Variants in APC observed in about 807,000 individuals in gnomAD.
APC encodes the protein adenomatous polyposis coli protein.
APC carries 72 observed loss-of-function variants against 247.0 expected under a neutral mutation model. The ratio of observed to expected loss-of-function variants is 0.29; its 90% CI spans 0.24 to 0.35. APC has a LOEUF of 0.35. Ranked by LOEUF, APC falls within the 10% of genes least tolerant of loss-of-function variation. APC has a pLI of 1.00. For synonymous variants in APC, 1,254 were observed against 1,162.5 expected, an observed-to-expected ratio of 1.08 and a Z score of -1.60; for missense variants, 3,400 against 3,360.7, an observed-to-expected ratio of 1.01 and a Z score of -0.29.
intron 1 of APC, among the ~76,000 whole-genome samples, chr5:112,720,387 C>T (rs1336728688): frequency 6.6e-6 from 1 of 152,120 alleles, no homozygotes; most frequent in African/African-American, 2.4e-5. Flanking sequence ...ATTCAAATAG[C>T]TTTTTGTTTT....
Position 112,707,865 on chromosome 5 carries a change from T to C in APC, c.148T>C (p.Trp50Arg), listed in dbSNP as rs1488176769. 9.5e-6 allele frequency: 13 copies of C among 1,369,196 alleles called. No homozygotes were observed. Among genetic ancestry groups the C allele is most frequent in the Non-Finnish European group, 1.3e-5 (13 of 1,038,190 alleles). 84.8% of individuals were successfully genotyped at this position (1,369,196 alleles called of 1,614,324 possible). ...GGGCGGCGCTCGTACTTCTGGCCAC[T>C]GGGCGAGCGTCTGGCAGGTGAGTGA... The change falls in exon 1 of 14, where the codon TGG becomes CGG. Residue 50 changes from tryptophan (W) to arginine (R), a missense_variant. Transcript: ENST00000507379.
intron 1 of APC, chr5:112,707,978 C>G: frequency 8.4e-7 from 1 of 1,195,852 alleles, no homozygotes; most frequent in Non-Finnish European, 1.1e-6. Context: ...CGGCCCGACT[C>G]TGTGGCTCTC....
At chr5:112,728,029 C>T (rs1214743854) in intron 1 of APC, among the ~76,000 whole-genome samples, 3 of 151,460 alleles carry the variant, frequency 2.0e-5, no homozygotes, top group African/African-American at 4.8e-5. Context: ...GCTTTGAATG[C>T]GGCCCAACAC....
At chr5:112,819,491 A>C in intron 10 of APC, 147 bp downstream of exon 10, 4 of 1,121,708 alleles carry the variant, frequency 3.6e-6, no homozygotes, top group Middle Eastern at 3.0e-4. Context: ...TATTTAAAAG[A>C]TTAAGTCTGT....
intron 1 of APC, 70 bp from the exon 2 acceptor site, chr5:112,754,803 C>T (rs2149736385): frequency 6.9e-7 from 1 of 1,449,438 alleles, no homozygotes; most frequent in South Asian, 1.2e-5. Context: ...TTCCTTTACC[C>T]CTTTCTTTAA....
chr5:112,777,110 G>A (rs1757743976), intron 5 of APC, among the ~76,000 whole-genome samples: 1 of 152,134 alleles, frequency 6.6e-6, no homozygotes, highest in Non-Finnish European at 1.5e-5. Flanking sequence ...TGAAATGTAT[G>A]ACTTAAGGAA....
At chr5:112,800,139 AT>A (rs1209228964) in intron 7 of APC, among the ~76,000 whole-genome samples, 4 of 152,206 alleles carry the variant, frequency 2.6e-5, no homozygotes, top group Non-Finnish European at 5.9e-5. Flanking sequence ...CTAGCACTGT[AT>A]TCCCCAGCAT....
chr5:112,747,386 C>T (rs928645993), intron 1 of APC, among the ~76,000 whole-genome samples: 2 of 152,120 alleles, frequency 1.3e-5, no homozygotes, highest in Non-Finnish European at 2.9e-5. Flanking sequence ...ATAAGAAATA[C>T]GTTTCCATTC....
chr5:112,775,097 C>G (rs926678900), intron 4 of APC, among the ~76,000 whole-genome samples: 9 of 152,120 alleles, frequency 5.9e-5, no homozygotes, highest in African/African-American at 2.2e-4. Flanking sequence ...ATTTGGTGTT[C>G]AGATTCCAAA....
chr5:112,836,281 T>G (rs753798380), intron 15 of APC, among the ~76,000 whole-genome samples: 1 of 150,250 alleles, frequency 6.7e-6, no homozygotes, highest in African/African-American at 2.5e-5. Context: ...TCCGCCCACC[T>G]CGGCCTCCCA....
At chr5:112,802,673 T>A (rs1255229068) in intron 8 of APC, among the ~76,000 whole-genome samples, 10 of 151,928 alleles carry the variant, frequency 6.6e-5, no homozygotes, top group Admixed American at 6.6e-4. Flanking sequence ...ATAAAAAGAT[T>A]AGAAGAAAAT....
chr5:112,801,404 TA>T (rs1760814568), intron 8 of APC, 21 bp downstream of exon 8: 4 of 1,505,458 alleles, frequency 2.7e-6, no homozygotes, highest in Non-Finnish European at 3.6e-6. Context: ...TATTTTATCA[TA>T]TTTTTTAAAA....
At chr5:112,768,707 C>T (rs984722176) in intron 4 of APC, among the ~76,000 whole-genome samples, 2 of 151,870 alleles carry the variant, frequency 1.3e-5, no homozygotes, top group African/African-American at 2.4e-5. Context: ...GTTAACTGTG[C>T]TCATCCTATG....
At chr5:112,716,521 C>T (rs1199412128) in intron 1 of APC, among the ~76,000 whole-genome samples, 1 of 151,908 alleles carries the variant, frequency 6.6e-6, no homozygotes, top group Non-Finnish European at 1.5e-5. Flanking sequence ...TTTTCCTCTC[C>T]ATTTATTGAG....
intron 10 of APC, among the ~76,000 whole-genome samples, chr5:112,820,063 C>T (rs11953943): frequency 0.12 from 17,780 of 152,090 alleles, 1,185 homozygotes; most frequent in African/African-American, 0.19. Context: ...CAGCCCCACT[C>T]CCGCAGGAGC....
Position 112,837,697 on chromosome 5 carries a change from G to T in APC, c.2103G>T (p.Met701Ile), listed in dbSNP as rs1276525166. 1 of 1,614,068 alleles carries T rather than the reference G, an allele frequency of 6.2e-7. No individual in the cohort carries two copies. Among genetic ancestry groups the T allele is most frequent in the African/African-American group, 1.3e-5 (1 of 74,934 alleles). Residue 701 changes from methionine (M) to isoleucine (I), a missense_variant, in exon 16 of 16, where the codon ATG becomes ATT. Met to Ile is a conservative substitution (Grantham distance 10). Coordinates refer to ENST00000257430, the MANE Select transcript of APC (RefSeq NM_000038.6). ...AAGACCAGGAAGCATTATGGGACATGGGGGCAGTTAGCATGCTCAAGAACC... is the reference window on the plus strand; with the variant it reads ...AAGACCAGGAAGCATTATGGGACATTGGGGCAGTTAGCATGCTCAAGAACC... ...NPKDQEALWD[M>I]GAVSMLKNLI...
At chr5:112,723,752 G>T (rs564821971) in intron 1 of APC, among the ~76,000 whole-genome samples, 3 of 152,166 alleles carry the variant, frequency 2.0e-5, no homozygotes, top group Non-Finnish European at 4.4e-5. Flanking sequence ...AGAGGAAAAT[G>T]AATTCAAAGT....
chr5:112,721,795 G>T (rs1171684599), intron 1 of APC, among the ~76,000 whole-genome samples: 2 of 152,070 alleles, frequency 1.3e-5, no homozygotes, highest in African/African-American at 4.8e-5. Context: ...CAGTCTTTTG[G>T]CTTCCTTGGG....
At chr5:112,752,909 G>A (rs961912851) in intron 1 of APC, among the ~76,000 whole-genome samples, 1 of 152,098 alleles carries the variant, frequency 6.6e-6, no homozygotes, top group African/African-American at 2.4e-5. Flanking sequence ...CTGAAGAGTT[G>A]ATTTTTTTAT....
Sources: gnomAD v4.1 joint callset for allele counts (sites outside exome capture counted in the v4.1 genomes callset) on GRCh38, gnomAD v4.1.1 for gene constraint, MANE v1.5 for transcripts, NCBI Gene and HGNC (gene_info 2026-07-23, HGNC 2026-07-21) for gene names.